Variants in CEP70 observed in about 807,000 individuals in gnomAD.
CEP70 encodes centrosomal protein 70, also known as centrosomal protein of 70 kDa.
In CEP70, 70 loss-of-function variants were observed where a neutral mutation model predicts 90.9. The ratio of observed to expected loss-of-function variants is 0.77; its 90% CI spans 0.64 to 0.94. The LOEUF is 0.94. CEP70 is among the 40% of genes least tolerant of loss of function. The pLI, the probability that CEP70 is intolerant of heterozygous loss-of-function variation, is 0.00. For missense variants in CEP70, 648 were observed against 669.0 expected (o/e 0.97, Z 0.35); for synonymous variants, 220 against 228.3 (o/e 0.96, Z 0.33).
intron 8 of CEP70, chr3:138,531,663 T>G (rs1190496813): frequency 6.6e-6 from 1 of 151,632 alleles, no homozygotes; most frequent in East Asian, 1.9e-4. Context: ...TTTTAATTAG[T>G]TGCTCTCTTC....
intron 11 of CEP70, among the ~76,000 whole-genome samples, chr3:138,523,516 C>A (rs1166657257): frequency 6.6e-6 from 1 of 152,136 alleles, no homozygotes; most frequent in African/African-American, 2.4e-5. Context: ...TGATAGGCAA[C>A]TTCAGCAAAG....
chr3:138,505,202 C>A, intron 13 of CEP70, 93 bp downstream of exon 13: 1 of 1,008,684 alleles, frequency 9.9e-7, no homozygotes, highest in Non-Finnish European at 1.4e-6. Flanking sequence ...AAATTAAACC[C>A]TATTTAATTT....
chr3:138,533,583 T>C (rs1016448850), intron 7 of CEP70, among the ~76,000 whole-genome samples: 1 of 152,048 alleles, frequency 6.6e-6, no homozygotes, highest in Admixed American at 6.5e-5. Context: ...AATTCATCGG[T>C]GAACAACACA....
chr3:138,519,439 C>T (rs1036502985), intron 11 of CEP70, among the ~76,000 whole-genome samples: 8 of 152,242 alleles, frequency 5.3e-5, no homozygotes, highest in South Asian at 4.1e-4. Context: ...AGAGAAAGGT[C>T]GGGTTACCTA....
At chr3:138,540,970 T>C (rs911600033) in intron 6 of CEP70, among the ~76,000 whole-genome samples, 3 of 152,232 alleles carry the variant, frequency 2.0e-5, no homozygotes, top group African/African-American at 7.2e-5. Flanking sequence ...AACGGCATTA[T>C]CCTTAGCAAA....
intron 2 of CEP70, among the ~76,000 whole-genome samples, chr3:138,580,799 T>A (rs1279266520): frequency 6.6e-6 from 1 of 152,042 alleles, no homozygotes; most frequent in Non-Finnish European, 1.5e-5. Context: ...CAGGATCCTA[T>A]TAGACAAATT....
At chr3:138,592,928 C>T (rs903839797) in intron 1 of CEP70, 1 of 152,212 alleles carries the variant, frequency 6.6e-6, no homozygotes, top group Non-Finnish European at 1.5e-5. Flanking sequence ...AAGCTCTATT[C>T]TAAAAATATT....
At chr3:138,510,856 C>CTTTTTTT (rs869032871) in intron 11 of CEP70, among the ~76,000 whole-genome samples, 2 of 107,032 alleles carry the variant, frequency 1.9e-5, no homozygotes, top group African/African-American at 3.2e-5. Flanking sequence ...CTTTTTCCAT[C>CTTTTTTT]TTTTTTTTTT....
rs1202590303 is a variant in CEP70 at position 138,551,756 on chromosome 3, A to C, written c.466-14409T>G. On this transcript the variant is annotated intron_variant, in intron 6 of 17. Transcript: ENST00000264982. ...AGTGAAACTCCATCTAAAAAAAAAAAAATAAAATAAAACAAAACCCAAAGT... is the reference window on the plus strand; with the variant it reads ...AGTGAAACTCCATCTAAAAAAAAAACAATAAAATAAAACAAAACCCAAAGT... Among the ~76,000 whole-genome samples, 9 of 137,376 alleles carry C rather than the reference A, an allele frequency of 6.6e-5. No homozygotes were observed. The South Asian group carries it at 1.3e-3, about 20-fold the overall frequency. 90.1% of individuals were successfully genotyped at this position (137,376 alleles called of 152,430 possible).
At chr3:138,519,063 A>G (rs1398904733) in intron 11 of CEP70, among the ~76,000 whole-genome samples, 1 of 152,230 alleles carries the variant, frequency 6.6e-6, no homozygotes, top group Non-Finnish European at 1.5e-5. Context: ...GATTCGATCA[A>G]CTGGAAGAAA....
In CEP70 at chr3:138,498,085, C is replaced by T. The variant is rs142393409; in HGVS notation, c.1678G>A (p.Glu560Lys). ...QSIIYKLEEH[E>K]EFFPAFQAFT... Reference sequence around the variant, plus strand: ...GCCTGAAATGCTGGGAAAAATTCCTCGTGTTCTTCCAATTTGTAGATAATG... The same window carrying T: ...GCCTGAAATGCTGGGAAAAATTCCTTGTGTTCTTCCAATTTGTAGATAATG... Residue 560 changes from glutamate (E) to lysine (K), a missense_variant, in exon 17 of 18, where the codon GAG becomes AAG. Physicochemically the swap from Glu to Lys is moderately conservative, Grantham distance 56 (BLOSUM62 1). Transcript: ENST00000264982. 19 of 1,613,088 alleles carry T rather than the reference C, an allele frequency of 1.2e-5. No homozygotes were observed. The highest frequency in any genetic ancestry group is 1.1e-4 in the East Asian group (5 of 44,768).
At chr3:138,495,842 A>C in intron 17 of CEP70, 2 of 978,096 alleles carry the variant, frequency 2.0e-6, no homozygotes, top group Non-Finnish European at 2.4e-6. Flanking sequence ...ACAGAGAGCA[A>C]GACTATGTCT....
intron 6 of CEP70, among the ~76,000 whole-genome samples, chr3:138,562,448 G>A (rs1159177735): frequency 6.6e-6 from 1 of 152,112 alleles, no homozygotes; most frequent in African/African-American, 2.4e-5. Context: ...AATGTTAAGG[G>A]CAGCCAGAGA....
chr3:138,572,770 C>T lies in CEP70; in HGVS notation c.69+89G>A, dbSNP rs377199820. The T allele has an allele frequency of 3.5e-6, 3 of 856,512 alleles. No individual in the cohort carries two copies. In the African/African-American group the frequency reaches 5.0e-5, roughly 14 times the overall value. The allele number at this position is 856,512 out of a possible 1,614,324, so 53.1% of individuals were successfully genotyped here. ...TTCCTAAAATTATTTGAGAAAGAAT[C>T]CTTTTAAAGTCAAATTTTCCTGTTT... On this transcript the variant is annotated intron_variant, in intron 3 of 17. Transcript: ENST00000264982.
At chr3:138,553,452 C>T (rs2039768701) in intron 6 of CEP70, among the ~76,000 whole-genome samples, 1 of 151,578 alleles carries the variant, frequency 6.6e-6, no homozygotes, top group African/African-American at 2.4e-5. Context: ...TGCACTCCAG[C>T]CTTGGCGACA....
In CEP70 at chr3:138,525,561, A is replaced by G; in HGVS notation, c.873T>C (p.Pro291=). The G allele has an allele frequency of 7.5e-7, 1 of 1,340,006 alleles. No individual in the cohort carries two copies. The highest frequency in any genetic ancestry group is 9.8e-7 in the Non-Finnish European group (1 of 1,019,762). The allele number at this position is 1,340,006 out of a possible 1,614,324, so 83.0% of individuals were successfully genotyped here. ...TATAAAGTCTTAATTCATGCTGCGT[A>G]GGCCTGTGGAAAATAAATAATGATA... is the stretch of plus-strand genomic sequence containing the variant. ...LNLQKDLETR[P]TQHELRLYKQ... is the part of the protein sequence containing the mutation. Residue 291 remains proline (P), a synonymous_variant, in exon 11 of 18, where the codon CCT becomes CCC. Coordinates refer to ENST00000264982, the MANE Select transcript of CEP70 (RefSeq NM_024491.4).
At chr3:138,527,329 A>ATT (rs534956538) in intron 10 of CEP70, among the ~76,000 whole-genome samples, 96 of 143,436 alleles carry the variant, frequency 6.7e-4, no homozygotes, top group South Asian at 5.2e-3. Flanking sequence ...TGCCTGGCTA[A>ATT]TTTTTTTTTT....
chr3:138,581,422 G>C (rs1320023224), intron 2 of CEP70, among the ~76,000 whole-genome samples: 1 of 152,038 alleles, frequency 6.6e-6, no homozygotes, highest in Non-Finnish European at 1.5e-5. Context: ...AGTTTATTCA[G>C]GCCGGGCGCA....
At chr3:138,506,779 C>T (rs1034540549) in intron 12 of CEP70, among the ~76,000 whole-genome samples, 2 of 152,132 alleles carry the variant, frequency 1.3e-5, no homozygotes, top group African/African-American at 4.8e-5. Flanking sequence ...TCTCACTCTG[C>T]AGCCTAAGAT....
Sources: allele counts gnomAD v4.1 joint callset (sites outside exome capture counted in the v4.1 genomes callset), GRCh38; gene constraint gnomAD v4.1.1; transcripts MANE v1.5; gene names NCBI Gene and HGNC (gene_info 2026-07-23, HGNC 2026-07-21).